The following CLEC16A variants were observed in gnomAD, a reference collection of about 807,000 sequenced individuals.
CLEC16A encodes protein CLEC16A.
CLEC16A carries 51 observed loss-of-function variants against 109.5 expected under a neutral mutation model. The observed-to-expected ratio is 0.47, with a 90% CI of 0.37 to 0.59. CLEC16A has a LOEUF of 0.59. CLEC16A is among the 20% of genes least tolerant of loss of function. The pLI is 0.00. For synonymous variants in CLEC16A, 673 were observed against 564.2 expected, an observed-to-expected ratio of 1.19 and a Z score of -2.73; for missense variants, 1,339 against 1,394.0, an observed-to-expected ratio of 0.96 and a Z score of 0.63.
At chr16:11,009,989 A>T (rs913247240) in intron 11 of CLEC16A, among the ~76,000 whole-genome samples, 4 of 152,128 alleles carry the variant, frequency 2.6e-5, no homozygotes, top group African/African-American at 9.7e-5. Context: ...CCCTGTCTGT[A>T]CAAAAAATAA....
At chr16:11,074,962 C>T (rs1315326950) in intron 19 of CLEC16A, among the ~76,000 whole-genome samples, 1 of 152,060 alleles carries the variant, frequency 6.6e-6, no homozygotes, top group Non-Finnish European at 1.5e-5. Flanking sequence ...TGCTTGAGCC[C>T]AGGAGTTGGA....
intron 19 of CLEC16A, among the ~76,000 whole-genome samples, chr16:11,064,930 G>A (rs540071871): frequency 9.8e-5 from 15 of 152,328 alleles, no homozygotes; most frequent in Admixed American, 9.1e-4. Flanking sequence ...TGCTGAATAC[G>A]CAAGCTGAAA....
rs201362914 is a variant in CLEC16A, at chr16:11,039,802, C to T, written c.1586C>T (p.Ala529Val). The T allele has an allele frequency of 7.5e-6, 12 of 1,608,932 alleles. No homozygotes were observed. The highest frequency in any genetic ancestry group is 2.2e-5 in the East Asian group (1 of 44,678). Reference protein sequence around the residue: ...LERIQLPVPNAAEKTTYNHPL... With the variant: ...LERIQLPVPNVAEKTTYNHPL... ...CGAATCCAGCTCCCCGTGCCAAATG[C>T]GGCCGAGAAGACCACCTACAACCAC... is the stretch of plus-strand genomic sequence containing the variant. The change falls in exon 14 of 24, where the codon GCG becomes GTG. Residue 529 changes from alanine (A) to valine (V), a missense_variant. Transcript: ENST00000409790.
chr16:10,977,636 C>A (rs1472140854), intron 8 of CLEC16A, among the ~76,000 whole-genome samples: 1 of 152,218 alleles, frequency 6.6e-6, no homozygotes, highest in Non-Finnish European at 1.5e-5. Flanking sequence ...GCCTCAGCCT[C>A]CCGAGTAGCT....
chr16:11,178,711 T>A lies in CLEC16A; in HGVS notation c.*21T>A. 1 of 1,443,416 alleles carries A rather than the reference T, an allele frequency of 6.9e-7. No individual in the cohort carries two copies. Among genetic ancestry groups the A allele is most frequent in the Non-Finnish European group, 9.1e-7 (1 of 1,096,218 alleles). The allele number at this position is 1,443,416 out of a possible 1,614,324, so 89.4% of individuals were successfully genotyped here. A position where few individuals can be genotyped will look rare whatever the true frequency, so the allele number is the denominator to read the frequency against. ...ACTGAGTCAGTGCCGGGGCCTCCCT[T>A]TGTGTGTGTGGCCCCGCTGGTAGGG... is the stretch of plus-strand genomic sequence containing the variant. On this transcript the variant is annotated 3_prime_UTR_variant, in exon 24 of 24. Coordinates refer to ENST00000409790, the MANE Select transcript of CLEC16A (RefSeq NM_015226.3). The surrounding 1 kb of genome is among the most constrained non-coding windows in gnomAD (Gnocchi z 6.5).
At chr16:11,094,229 C>T (rs1005663703) in intron 19 of CLEC16A, among the ~76,000 whole-genome samples, 22 of 152,074 alleles carry the variant, frequency 1.4e-4, no homozygotes, top group African/African-American at 5.1e-4. Context: ...TTCAGGTGAC[C>T]AAAGATGAAG....
At chr16:11,113,700 G>A (rs1016106979) in intron 19 of CLEC16A, among the ~76,000 whole-genome samples, 5 of 152,108 alleles carry the variant, frequency 3.3e-5, no homozygotes, top group African/African-American at 4.8e-5. Flanking sequence ...AAATCACCTT[G>A]GAGCTTCTTT....
intron 10 of CLEC16A, among the ~76,000 whole-genome samples, chr16:10,989,549 C>T (rs2043875114): frequency 6.6e-6 from 1 of 152,202 alleles, no homozygotes; most frequent in South Asian, 2.1e-4. Context: ...AGTATAAATA[C>T]TTAACTGCTA....
chr16:11,157,031 CAG>C (rs1002130069), intron 22 of CLEC16A: 3 of 1,289,688 alleles, frequency 2.3e-6, no homozygotes, highest in South Asian at 1.3e-5. Flanking sequence ...AATTAGGACA[CAG>C]AGAGAAAGCA....
rs1471350098 is a variant in CLEC16A at position 10,971,248 on chromosome 16, C to G, written c.598+18C>G. 2 of 1,557,014 alleles carry G rather than the reference C, an allele frequency of 1.3e-6. No homozygotes were observed. The highest frequency in any genetic ancestry group is 3.4e-5 in the Admixed American group (2 of 58,694). The stretch of plus-strand genomic sequence containing the variant: ...CTATAAAGGTAAGTGTCCTCATGGG[C>G]TTGTGTCTCGGCTGATTTCTGACTT... On this transcript the variant is annotated intron_variant, in intron 5 of 23. Coordinates refer to ENST00000409790, the MANE Select transcript of CLEC16A (RefSeq NM_015226.3).
chr16:11,017,491 G>A (rs1439774184), intron 11 of CLEC16A, among the ~76,000 whole-genome samples: 2 of 152,184 alleles, frequency 1.3e-5, no homozygotes, highest in Non-Finnish European at 2.9e-5. Context: ...ATGGAGATAC[G>A]CGAAGACGTT....
intron 13 of CLEC16A, among the ~76,000 whole-genome samples, chr16:11,026,269 C>G (rs552492348): frequency 1.3e-5 from 2 of 152,246 alleles, no homozygotes; most frequent in South Asian, 2.1e-4. Flanking sequence ...ATTCCTTAAA[C>G]CAGTGAAGCC....
chr16:11,156,917 G>GCCCCC (rs60216625), intron 22 of CLEC16A, among the ~76,000 whole-genome samples: 1 of 77,306 alleles, frequency 1.3e-5, no homozygotes, highest in Non-Finnish European at 2.7e-5. Context: ...CCAAATGCCC[G>GCCCCC]CCCCCCCCCC....
intron 22 of CLEC16A, among the ~76,000 whole-genome samples, chr16:11,127,038 AC>A (rs1489738180): frequency 1.3e-5 from 2 of 152,234 alleles, no homozygotes; most frequent in African/African-American, 4.8e-5. Flanking sequence ...ATATGTATAT[AC>A]CGTAGGCATA....
chr16:11,123,966 C>T lies in CLEC16A; in HGVS notation c.2473+20C>T. 1 of 1,576,150 alleles carries T rather than the reference C, an allele frequency of 6.3e-7. No individual in the cohort carries two copies. The highest frequency in any genetic ancestry group is 8.6e-7 in the Non-Finnish European group (1 of 1,161,088). Reference sequence around the variant, plus strand: ...TAGCTGGTGAGTGGCTGGACCCTGGCAGGGCATCCTCTGAGCACTTGGTGG... The same window carrying T: ...TAGCTGGTGAGTGGCTGGACCCTGGTAGGGCATCCTCTGAGCACTTGGTGG... On this transcript the variant is annotated intron_variant, in intron 21 of 23. Transcript: ENST00000409790.
rs201454967 is a variant in CLEC16A at position 11,179,117 on chromosome 16, A to T, written c.*427A>T. On this transcript the variant is annotated 3_prime_UTR_variant, in exon 24 of 24. Coordinates refer to ENST00000409790, the MANE Select transcript of CLEC16A (RefSeq NM_015226.3). ...TGTAGAAAAGCAGACTTAGATAAAC[A>T]TCTCCTTTGGATATTTATTTCCGCT... 5.9e-6 allele frequency: 1 copy of T among 170,436 alleles called. No individual in the cohort carries two copies. Among genetic ancestry groups the T allele is most frequent in the South Asian group, 2.0e-4 (1 of 4,996 alleles). The allele number at this position is 170,436 out of a possible 1,614,324, so 10.6% of individuals were successfully genotyped here.
intron 18 of CLEC16A, among the ~76,000 whole-genome samples, chr16:11,059,012 TG>T (rs2048349218): frequency 6.6e-6 from 1 of 152,206 alleles, no homozygotes; most frequent in Non-Finnish European, 1.5e-5. Context: ...CTGCCATGGA[TG>T]TTTAAGTTTC....
rs200562878 is a variant in CLEC16A at position 11,139,242 on chromosome 16, TCAGA to T, written c.2641+13101_2641+13104del. Among the ~76,000 whole-genome samples, 1,171 of 152,276 alleles carry T rather than the reference TCAGA, an allele frequency of 7.7e-3. 11 individuals are homozygous for T. Among genetic ancestry groups the T allele is most frequent in the African/African-American group, 0.027 (1,102 of 41,554 alleles). On this transcript the variant is annotated intron_variant, in intron 22 of 23. Coordinates refer to ENST00000409790, the MANE Select transcript of CLEC16A (RefSeq NM_015226.3). ...CCCACTCATAGCTTGGCTTGTCATC[TCAGA>T]CAGAACCTCCAAGCTTGGCATGATG...
intron 23 of CLEC16A, among the ~76,000 whole-genome samples, chr16:11,172,852 G>A (rs1398165407): frequency 6.6e-6 from 1 of 152,196 alleles, no homozygotes; most frequent in Non-Finnish European, 1.5e-5. Context: ...TCATGCCACT[G>A]TACTCCAGCC....
Sources: allele counts gnomAD v4.1 joint callset (sites outside exome capture counted in the v4.1 genomes callset), GRCh38; gene constraint gnomAD v4.1.1; non-coding constraint Gnocchi (gnomAD v3.1); transcripts MANE v1.5; gene names NCBI Gene and HGNC (gene_info 2026-07-23, HGNC 2026-07-21).